WDR49: variants seen among roughly 807,000 people sequenced by gnomAD.
WDR49 encodes the protein cilia- and flagella-associated protein 337.
A neutral mutation model predicts 119.5 loss-of-function variants in WDR49; 107 were observed. That is an observed-to-expected ratio of 0.90 (90% CI 0.77 to 1.05). WDR49 has a LOEUF of 1.05. Ranked by LOEUF, WDR49 falls within the 50% of genes least tolerant of loss-of-function variation. The probability of loss-of-function intolerance (pLI) is 0.00; values close to 1 mark genes in which losing one functional copy is unlikely to be tolerated. For synonymous variants in WDR49, 425 were observed against 418.8 expected (o/e 1.01, Z -0.18); for missense variants, 1,240 against 1,220.5 (o/e 1.02, Z -0.24).
At chr3:167,544,919 G>T (rs1225222884) in intron 10 of WDR49, among the ~76,000 whole-genome samples, 5 of 151,870 alleles carry the variant, frequency 3.3e-5, no homozygotes, top group Admixed American at 3.3e-4. Context: ...CCATAGAGTG[G>T]GAGAAAATCT....
intron 5 of WDR49, among the ~76,000 whole-genome samples, 158 bp from the exon 6 acceptor site, chr3:167,604,626 C>A (rs1013277667): frequency 6.6e-6 from 1 of 152,152 alleles, no homozygotes; most frequent in Admixed American, 6.6e-5. Context: ...CCTTCTCCCA[C>A]CTCCCACAAA....
chr3:167,482,444 C>T (rs533779019), intron 18 of WDR49, among the ~76,000 whole-genome samples: 202 of 150,692 alleles, frequency 1.3e-3, no homozygotes, highest in African/African-American at 4.6e-3. Flanking sequence ...CCGAGGCGGG[C>T]GGATCATGAG....
chr3:167,485,669 C>T (rs780249616), intron 18 of WDR49, among the ~76,000 whole-genome samples: 8 of 151,982 alleles, frequency 5.3e-5, no homozygotes, highest in Non-Finnish European at 1.2e-4. Context: ...AACCTCAGCA[C>T]TCAAAGACTG....
At chr3:167,559,055 C>A (rs142799890) in intron 9 of WDR49, among the ~76,000 whole-genome samples, 22 of 152,256 alleles carry the variant, frequency 1.4e-4, no homozygotes, top group African/African-American at 4.8e-4. Flanking sequence ...ATTCCATTAA[C>A]CTTCTCATAG....
At chr3:167,575,472 C>A (rs565920110) in intron 8 of WDR49, among the ~76,000 whole-genome samples, 1 of 152,322 alleles carries the variant, frequency 6.6e-6, no homozygotes, top group Non-Finnish European at 1.5e-5. Context: ...ACATTCTGGG[C>A]TGCCACTGTG....
chr3:167,567,832 A>G (rs1383088349), intron 8 of WDR49, among the ~76,000 whole-genome samples: 1 of 152,216 alleles, frequency 6.6e-6, no homozygotes, highest in Non-Finnish European at 1.5e-5. Flanking sequence ...TCTTACTGGT[A>G]AGGTGCTTCC....
intron 5 of WDR49, among the ~76,000 whole-genome samples, chr3:167,605,012 TTGTGTGTGTGTGTG>T (rs370361855): frequency 3.5e-5 from 5 of 143,388 alleles, no homozygotes; most frequent in African/African-American, 5.1e-5. Context: ...TTAATTTGCT[TTGTGTGTGTGTGTG>T]TGTGTGTGTG....
intron 15 of WDR49, among the ~76,000 whole-genome samples, chr3:167,523,335 C>T (rs930487770): frequency 3.8e-4 from 57 of 151,324 alleles, no homozygotes; most frequent in Admixed American, 3.3e-4. Context: ...TAAAGAGAAC[C>T]CATTTTACAT....
chr3:167,565,766 G>A (rs1382489732), intron 8 of WDR49, among the ~76,000 whole-genome samples: 2 of 151,960 alleles, frequency 1.3e-5, no homozygotes, highest in Admixed American at 6.6e-5. Context: ...CATTGCCTGC[G>A]GTCAGTGCAC....
chr3:167,521,349 C>G (rs1209580907), intron 16 of WDR49, among the ~76,000 whole-genome samples: 1 of 152,070 alleles, frequency 6.6e-6, no homozygotes, highest in South Asian at 2.1e-4. Flanking sequence ...CAACTATACC[C>G]CCAGAAAAAA....
intron 15 of WDR49, among the ~76,000 whole-genome samples, chr3:167,523,081 T>C (rs1395057879): frequency 6.6e-6 from 1 of 152,124 alleles, no homozygotes; most frequent in Non-Finnish European, 1.5e-5. Flanking sequence ...GCACACAGAA[T>C]GTTCCAGAGA....
intron 13 of WDR49, 54 bp downstream of exon 13, chr3:167,531,061 T>G (rs774238750): frequency 1.9e-6 from 3 of 1,559,400 alleles, no homozygotes; most frequent in Admixed American, 1.9e-5. Flanking sequence ...ATAGATTGGA[T>G]TTTCTTTATT....
chr3:167,647,253 C>G (rs1018033466), intron 2 of WDR49, among the ~76,000 whole-genome samples: 2 of 152,182 alleles, frequency 1.3e-5, no homozygotes, highest in African/African-American at 4.8e-5. Context: ...GTCTTCACTT[C>G]TCCAGTTTTG....
At position 167,511,048 on chromosome 3, in the gene WDR49, G is replaced by T. The variant is rs1174697198; in HGVS notation, c.2775-5632C>A. ...GAAGAATATTTCTTAAAAATAAAATGATTTATAATATTTTCCGTACTAGAT... is the reference window on the plus strand; with the variant it reads ...GAAGAATATTTCTTAAAAATAAAATTATTTATAATATTTTCCGTACTAGAT... On this transcript the variant is annotated intron_variant, in intron 16 of 18. Transcript: ENST00000682715. Among the ~76,000 whole-genome samples, 4 of 152,016 alleles carry T rather than the reference G, an allele frequency of 2.6e-5. No individual in the cohort carries two copies. In the East Asian group the frequency reaches 7.7e-4, roughly 29 times the overall value.
At chr3:167,562,001 T>C (rs974218412) in intron 8 of WDR49, among the ~76,000 whole-genome samples, 6 of 151,764 alleles carry the variant, frequency 4.0e-5, no homozygotes, top group Admixed American at 1.3e-4. Flanking sequence ...GGGACAAATA[T>C]GGTGGGATAT....
chr3:167,495,883 G>GAAAAAAAAA, intron 18 of WDR49, among the ~76,000 whole-genome samples: 4 of 71,222 alleles, frequency 5.6e-5, no homozygotes, highest in African/African-American at 9.4e-5. Flanking sequence ...TTAAAAATTT[G>GAAAAAAAAA]AAAAAAAAAA....
In WDR49 at chr3:167,604,720, G is replaced by T. The variant is rs138193101; in HGVS notation, c.959-252C>A. ...GAAAGATAAGCAGAGATTTTGAAAG[G>T]TAATTAGGTCAGGAGAGTAGAACCT... On this transcript the variant is annotated intron_variant, in intron 5 of 18. Transcript: ENST00000682715. Among the ~76,000 whole-genome samples the T allele has an allele frequency of 2.9e-3, 440 of 152,204 alleles. 4 individuals are homozygous for T. The highest frequency in any genetic ancestry group is 0.01 in the African/African-American group (425 of 41,530).
At chr3:167,579,643 G>T (rs1039208766) in intron 7 of WDR49, among the ~76,000 whole-genome samples, 3 of 151,762 alleles carry the variant, frequency 2.0e-5, no homozygotes, top group African/African-American at 7.3e-5. Flanking sequence ...AACTCATTCT[G>T]GTTTTTAATC....
At chr3:167,546,500 G>C (rs1712209177) in intron 10 of WDR49, among the ~76,000 whole-genome samples, 1 of 151,782 alleles carries the variant, frequency 6.6e-6, no homozygotes, top group Admixed American at 6.6e-5. Flanking sequence ...AGGAGTCTGA[G>C]AGACTTGTTT....
Sources: gnomAD v4.1 joint callset for allele counts (sites outside exome capture counted in the v4.1 genomes callset) on GRCh38, gnomAD v4.1.1 for gene constraint, MANE v1.5 for transcripts, NCBI Gene and HGNC (gene_info 2026-07-23, HGNC 2026-07-21) for gene names.